FSTL5: variants seen among roughly 807,000 people sequenced by gnomAD.
The protein encoded by FSTL5 is follistatin-related protein 5.
In FSTL5, 62 loss-of-function variants were observed where a neutral mutation model predicts 89.1. The ratio of observed to expected loss-of-function variants is 0.70; its 90% CI spans 0.57 to 0.86. FSTL5 has a LOEUF of 0.86. Ranked by LOEUF, FSTL5 falls within the 40% of genes least tolerant of loss-of-function variation. The pLI, the probability that FSTL5 is intolerant of heterozygous loss-of-function variation, is 0.00. For synonymous variants in FSTL5, 383 were observed against 346.2 expected (o/e 1.11, Z -1.18); for missense variants, 1,057 against 1,001.6 (o/e 1.06, Z -0.75).
Position 161,735,723 on chromosome 4 carries a change from T to G in FSTL5, c.727+23688A>C, listed in dbSNP as rs372555818. Among the ~76,000 whole-genome samples, 16 of 152,306 alleles carry G rather than the reference T, an allele frequency of 1.1e-4. No individual in the cohort carries two copies. In the South Asian group the frequency reaches 3.3e-3, roughly 32 times the overall value. On this transcript the variant is annotated intron_variant, in intron 6 of 15. Coordinates refer to ENST00000306100, the MANE Select transcript of FSTL5 (RefSeq NM_020116.5). ...AAAAAATTTGAGGATATTTTTAAAC[T>G]ATTGGTTTATGAACACTTAAGAGAT... is the stretch of plus-strand genomic sequence containing the variant.
At chr4:161,826,656 G>T (rs1371872) in intron 4 of FSTL5, among the ~76,000 whole-genome samples, 1 of 152,124 alleles carries the variant, frequency 6.6e-6, no homozygotes, top group East Asian at 1.9e-4. Context: ...CTTTCTTTGT[G>T]TTTTTTATGG....
intron 8 of FSTL5, among the ~76,000 whole-genome samples, chr4:161,585,438 T>C (rs1181619508): frequency 6.6e-6 from 1 of 152,140 alleles, no homozygotes; most frequent in Non-Finnish European, 1.5e-5. Flanking sequence ...TATGTGATTC[T>C]GATGCAGGTG....
chr4:161,778,320 G>C (rs1201054475), intron 4 of FSTL5, among the ~76,000 whole-genome samples: 1 of 151,944 alleles, frequency 6.6e-6, no homozygotes, highest in Non-Finnish European at 1.5e-5. Context: ...TACATAATAG[G>C]TTTTATGTTA....
chr4:161,644,725 G>C (rs556483426), intron 7 of FSTL5, among the ~76,000 whole-genome samples: 1 of 152,090 alleles, frequency 6.6e-6, no homozygotes, highest in Admixed American at 6.6e-5. Context: ...TAAAGGGAAA[G>C]TGAAATGGTC....
chr4:161,869,300 G>A (rs974081219), intron 4 of FSTL5, among the ~76,000 whole-genome samples: 6 of 152,166 alleles, frequency 3.9e-5, no homozygotes, highest in African/African-American at 1.4e-4. Flanking sequence ...GATACTCAGT[G>A]GGTGATAATA....
chr4:161,773,598 A>T (rs929530140), intron 5 of FSTL5, among the ~76,000 whole-genome samples: 1 of 152,202 alleles, frequency 6.6e-6, no homozygotes, highest in Non-Finnish European at 1.5e-5. Context: ...AAAAATGCTC[A>T]ACATCACTAA....
At position 161,872,145 on chromosome 4, in the gene FSTL5, T is replaced by TTG. The variant is rs1386925142; in HGVS notation, c.409+48258_409+48259insCA. On this transcript the variant is annotated intron_variant, in intron 4 of 15. Coordinates refer to ENST00000306100, the MANE Select transcript of FSTL5 (RefSeq NM_020116.5). ...TGTAGTTTGTTTTTTTTTTTGGTTT[T>TTG]TTTTTTTTTTTTTGTAGAGACAAGG... Among the ~76,000 whole-genome samples, 5 of 132,064 alleles carry TTG rather than the reference T, an allele frequency of 3.8e-5. No homozygotes were observed. The East Asian group carries it at 9.5e-4, about 25-fold the overall frequency. The allele number at this position is 132,064 out of a possible 152,430, so 86.6% of individuals were successfully genotyped here.
intron 7 of FSTL5, among the ~76,000 whole-genome samples, chr4:161,595,250 A>G (rs945430042): frequency 2.0e-5 from 3 of 152,100 alleles, no homozygotes; most frequent in Admixed American, 6.6e-5. Context: ...AAACAAATGT[A>G]TGATGTTGAG....
chr4:161,390,974 A>G (rs1730803703), intron 15 of FSTL5, among the ~76,000 whole-genome samples: 1 of 152,084 alleles, frequency 6.6e-6, no homozygotes, highest in African/African-American at 2.4e-5. Context: ...CCCATCATCT[A>G]CACCACCTCA....
At chr4:161,491,839 C>CAAA (rs11356806) in intron 12 of FSTL5, among the ~76,000 whole-genome samples, 5 of 122,794 alleles carry the variant, frequency 4.1e-5, no homozygotes, top group Admixed American at 7.8e-5. Context: ...GACTCTGTCT[C>CAAA]AAAAAAAAAA....
chr4:161,911,019 T>G (rs1221738172), intron 4 of FSTL5, among the ~76,000 whole-genome samples: 1 of 152,136 alleles, frequency 6.6e-6, no homozygotes. Flanking sequence ...TTCCACACTT[T>G]TGCCTGTGAA....
At chr4:161,460,632 G>A (rs773964999) in intron 13 of FSTL5, among the ~76,000 whole-genome samples, 39 of 152,208 alleles carry the variant, frequency 2.6e-4, no homozygotes, top group Admixed American at 2.1e-3. Flanking sequence ...GTCTCACTAA[G>A]GCATCTCTTT....
intron 3 of FSTL5, among the ~76,000 whole-genome samples, chr4:162,016,354 C>G (rs577180481): frequency 6.0e-4 from 92 of 152,182 alleles, no homozygotes; most frequent in Admixed American, 1.4e-3. Flanking sequence ...GAAAAAGAGG[C>G]ACACAAAATT....
At chr4:162,121,715 A>G (rs1473965084) in intron 1 of FSTL5, among the ~76,000 whole-genome samples, 6 of 152,018 alleles carry the variant, frequency 3.9e-5, no homozygotes, top group Non-Finnish European at 7.4e-5. Context: ...AGTATCTAAA[A>G]AAAAGTTACT....
At chr4:161,391,392 C>T (rs956470987) in intron 15 of FSTL5, among the ~76,000 whole-genome samples, 2 of 152,058 alleles carry the variant, frequency 1.3e-5, no homozygotes, top group African/African-American at 2.4e-5. Flanking sequence ...ATATAAGATG[C>T]TATAATCATA....
intron 3 of FSTL5, among the ~76,000 whole-genome samples, chr4:161,964,167 G>A (rs1022340457): frequency 6.6e-6 from 1 of 151,866 alleles, no homozygotes; most frequent in South Asian, 2.1e-4. Flanking sequence ...ACTAAATTGA[G>A]GTGGCTTTTA....
chr4:161,946,843 T>G (rs1734747865), intron 3 of FSTL5, among the ~76,000 whole-genome samples: 1 of 152,132 alleles, frequency 6.6e-6, no homozygotes, highest in South Asian at 2.1e-4. Context: ...AGTGGCTTAT[T>G]ATATTACACT....
intron 2 of FSTL5, chr4:162,043,330 G>T (rs1738043935): frequency 6.6e-6 from 1 of 152,122 alleles, no homozygotes; most frequent in Admixed American, 6.5e-5. Flanking sequence ...CCTGAATTTT[G>T]CAGTTTCCCA....
chr4:161,606,151 AAACCCGGCC>A (rs975749804), intron 7 of FSTL5, among the ~76,000 whole-genome samples: 5 of 152,006 alleles, frequency 3.3e-5, no homozygotes, highest in African/African-American at 1.2e-4. Context: ...GTAAATGAGT[AAACCCGGCC>A]AAGATCAGTG....
Sources: gnomAD v4.1 joint callset for allele counts (sites outside exome capture counted in the v4.1 genomes callset) on GRCh38, gnomAD v4.1.1 for gene constraint, MANE v1.5 for transcripts, NCBI Gene and HGNC (gene_info 2026-07-23, HGNC 2026-07-21) for gene names.